Variants in EIF4G2 observed in about 807,000 individuals in gnomAD.
The protein encoded by EIF4G2 is eukaryotic translation initiation factor 4 gamma 2.
A neutral mutation model predicts 117.7 loss-of-function variants in EIF4G2; 8 were observed. The observed-to-expected ratio is 0.07, with a 90% CI of 0.04 to 0.12. The LOEUF is 0.12. Among genes scored for constraint, EIF4G2 ranks in the 10% least tolerant of loss-of-function variants. The probability of loss-of-function intolerance (pLI) is 1.00; values close to 1 mark genes in which losing one functional copy is unlikely to be tolerated. For missense variants in EIF4G2, 812 were observed against 1,086.2 expected (o/e 0.75, Z 3.55); for synonymous variants, 413 against 367.8 (o/e 1.12, Z -1.41).
chr11:10,802,759 G>A (rs1025939015), intron 11 of EIF4G2, among the ~76,000 whole-genome samples: 2 of 152,108 alleles, frequency 1.3e-5, no homozygotes, highest in African/African-American at 2.4e-5. Flanking sequence ...CCCAGCTACT[G>A]GGGAGGCTGA....
chr11:10,801,695 C>T lies in EIF4G2; in HGVS notation c.1379G>A (p.Arg460Gln), dbSNP rs1191980781. 1.2e-6 allele frequency: 2 copies of T among 1,613,946 alleles called. No homozygotes were observed. The highest frequency in any genetic ancestry group is 1.7e-6 in the Non-Finnish European group (2 of 1,180,020). ...ATTAAGCTGTCCTTTCTTAGAAAACCGAGGTGGCATATCCTTCGACTGTCC... is the reference window on the plus strand; with the variant it reads ...ATTAAGCTGTCCTTTCTTAGAAAACTGAGGTGGCATATCCTTCGACTGTCC... Residue 460 changes from arginine (R) to glutamine (Q), a missense_variant, in exon 14 of 22, where the codon CGG (arginine) becomes CAG (glutamine). By Grantham distance (43) the Arg-to-Gln change is conservative. Coordinates refer to ENST00000339995, the MANE Select transcript of EIF4G2 (RefSeq NM_001418.4).
chr11:10,798,908 A>G, intron 21 of EIF4G2, 84 bp downstream of exon 21: 12 of 1,505,536 alleles, frequency 8.0e-6, no homozygotes, highest in Non-Finnish European at 1.1e-5. Context: ...CCTTGCCTGT[A>G]TTTCAGTTGA....
rs781477360 is a variant in EIF4G2 at position 10,803,320 on chromosome 11, G to C, written c.814-26C>G. On this transcript the variant is annotated intron_variant, in intron 9 of 21. Coordinates refer to ENST00000339995, the MANE Select transcript of EIF4G2 (RefSeq NM_001418.4). This position sits in a 1 kb window ranked among gnomAD's most constrained non-coding sequence, Gnocchi z 4.0. The stretch of plus-strand genomic sequence containing the variant: ...CTGATAAGAGAAGAATACATTCATT[G>C]GAAGAGCTAAAGCAAATGTGTTCAA... 3 of 1,607,690 alleles carry C rather than the reference G, an allele frequency of 1.9e-6. No individual in the cohort carries two copies. Among genetic ancestry groups the C allele is most frequent in the Non-Finnish European group, 2.5e-6 (3 of 1,176,762 alleles).
At position 10,797,973 on chromosome 11, in the gene EIF4G2, A is replaced by C. The variant is rs77360437; in HGVS notation, c.2659-92T>G. 1 of 1,159,314 alleles carries C rather than the reference A, an allele frequency of 8.6e-7. No homozygotes were observed. The highest frequency in any genetic ancestry group is 1.3e-6 in the Non-Finnish European group (1 of 787,026). The allele number at this position is 1,159,314 out of a possible 1,614,324, so 71.8% of individuals were successfully genotyped here. ...AGGTGGTACTACACAGTTTTAGAAT[A>C]TGAAACAAGGATATCCCTACCAACA... On this transcript the variant is annotated intron_variant, in intron 21 of 21. Coordinates refer to ENST00000339995, the MANE Select transcript of EIF4G2 (RefSeq NM_001418.4). The surrounding 1 kb of genome is among the most constrained non-coding windows in gnomAD (Gnocchi z 4.5).
In EIF4G2 at chr11:10,799,164, T is replaced by C. The variant is rs199565424; in HGVS notation, c.2536+49A>G. On this transcript the variant is annotated intron_variant, in intron 20 of 21. Coordinates refer to ENST00000339995, the MANE Select transcript of EIF4G2 (RefSeq NM_001418.4). ...AAGTAATAAGCCCATTATTTAGTGT[T>C]CTGTTTAAGAACTTCCTCACGCCGT... The C allele has an allele frequency of 7.6e-5, 123 of 1,608,218 alleles. No individual in the cohort carries two copies. The African/African-American group carries it at 1.5e-3, about 19-fold the overall frequency.
chr11:10,803,075 G>A lies in EIF4G2; in HGVS notation c.951C>T (p.Asp317=). The change falls in exon 11 of 22, where the codon GAC becomes GAT. Residue 317 remains aspartate, a synonymous_variant. Transcript: ENST00000339995. The surrounding 1 kb of genome is among the most constrained non-coding windows in gnomAD (Gnocchi z 4.0). ...TTTGATTGATCGTCTTTGGTCCATT[G>A]TCAAGAAAAGCCTTGCGAGGAACCC... 6.2e-7 allele frequency: 1 copy of A among 1,611,178 alleles called. No individual in the cohort carries two copies. Among genetic ancestry groups the A allele is most frequent in the Non-Finnish European group, 8.5e-7 (1 of 1,178,666 alleles).
chr11:10,805,804 A>T (rs1847550563), intron 4 of EIF4G2, 103 bp downstream of exon 4: 1 of 1,523,828 alleles, frequency 6.6e-7, no homozygotes, highest in Admixed American at 1.7e-5. Context: ...TAAAACATAC[A>T]TACTCTGGGC....
rs753027729 is a variant in EIF4G2 at position 10,803,263 on chromosome 11, C to A, written c.845G>T (p.Cys282Phe). The stretch of plus-strand genomic sequence containing the variant: ...CAATTCCTTACTTAACATCAAGGAG[C>A]ACATTCGGGCAAAGTACTGATCCAT... The change falls in exon 10 of 22, where the codon TGC becomes TTC. Residue 282 changes from cysteine to phenylalanine, a missense_variant. Cys to Phe is a radical substitution (Grantham distance 205, BLOSUM62 -2). This residue lies in a region of EIF4G2 where 154 missense variants were observed against 322.1 expected (regional missense o/e 0.48). Coordinates refer to ENST00000339995, the MANE Select transcript of EIF4G2 (RefSeq NM_001418.4). The surrounding 1 kb of genome is among the most constrained non-coding windows in gnomAD (Gnocchi z 4.0). 1.9e-6 allele frequency: 3 copies of A among 1,613,944 alleles called. No homozygotes were observed. The African/African-American group carries it at 4.0e-5, about 22-fold the overall frequency.
At chr11:10,801,903 G>C in intron 13 of EIF4G2, 129 bp from the exon 14 acceptor site, 2 of 1,109,860 alleles carry the variant, frequency 1.8e-6, no homozygotes, top group Non-Finnish European at 2.6e-6. Context: ...AGTAAAAGAT[G>C]AAACAGGGAA....
At chr11:10,798,017 C>T (rs1018756415) in intron 21 of EIF4G2, 136 bp from the exon 22 acceptor site, 7 of 739,302 alleles carry the variant, frequency 9.5e-6, no homozygotes, top group South Asian at 3.4e-5. Flanking sequence ...ATTAAGTTAA[C>T]GAACAGTGGT....
At chr11:10,804,841 T>C (rs1049281167) in intron 5 of EIF4G2, 72 bp downstream of exon 5, 8 of 1,324,320 alleles carry the variant, frequency 6.0e-6, no homozygotes, top group Non-Finnish European at 8.7e-6. Flanking sequence ...AATCCAAGTG[T>C]AAAAAAACAC....
In EIF4G2 at chr11:10,803,178, G is replaced by A. The variant is rs771437042; in HGVS notation, c.897+33C>T. 19 of 1,608,220 alleles carry A rather than the reference G, an allele frequency of 1.2e-5. No individual in the cohort carries two copies. The highest frequency in any genetic ancestry group is 1.5e-5 in the Non-Finnish European group (18 of 1,178,244). On this transcript the variant is annotated intron_variant, in intron 10 of 21. Coordinates refer to ENST00000339995, the MANE Select transcript of EIF4G2 (RefSeq NM_001418.4). This position sits in a 1 kb window ranked among gnomAD's most constrained non-coding sequence, Gnocchi z 4.0. ...TTAATATTCCTAAACCAAAAACTCA[G>A]CTTACCAACAAATTTAAAGAAACCA...
At position 10,805,702 on chromosome 11, in the gene EIF4G2, C is replaced by T. The variant is rs368851972; in HGVS notation, c.248+205G>A. On this transcript the variant is annotated intron_variant, in intron 4 of 21. Coordinates refer to ENST00000339995, the MANE Select transcript of EIF4G2 (RefSeq NM_001418.4). ...TCCTGACCTCAAGTGATCTGCCCAC[C>T]TCGGCCTCCCAAAGTGCTGGGATTA... Among the ~76,000 whole-genome samples, 88 of 152,186 alleles carry T rather than the reference C, an allele frequency of 5.8e-4. No homozygotes were observed. The South Asian group carries it at 0.011, about 18-fold the overall frequency.
Position 10,799,338 on chromosome 11 carries a change from T to C in EIF4G2, c.2411A>G (p.Gln804Arg), listed in dbSNP as rs758843928. The change falls in exon 20 of 22, where the codon CAG becomes CGG. Residue 804 changes from glutamine (Q) to arginine (R), a missense_variant. This residue lies in a region of EIF4G2 where 571 missense variants were observed against 642.3 expected (regional missense o/e 0.89). Transcript: ENST00000339995. ...GAAAGATAGTAGTAGTTGTTTTTCC[T>C]GCTCTAACTGTTCTTTGGAAGGAGC... The C allele has an allele frequency of 6.2e-7, 1 of 1,613,892 alleles. No homozygotes were observed. Among genetic ancestry groups the C allele is most frequent in the South Asian group, 1.1e-5 (1 of 91,086 alleles).
chr11:10,806,129 T>C, intron 3 of EIF4G2, 82 bp from the exon 4 acceptor site: 1 of 1,580,566 alleles, frequency 6.3e-7, no homozygotes. Flanking sequence ...TAGAAAAAAG[T>C]AATTTAGGCT....
chr11:10,807,935 T>A (rs1361404432), intron 1 of EIF4G2: 2 of 1,012,564 alleles, frequency 2.0e-6, no homozygotes, highest in Non-Finnish European at 2.4e-6. Flanking sequence ...CCGCCCCGTT[T>A]TTCCCTTCCT....
chr11:10,803,671 A>G lies in EIF4G2; in HGVS notation c.703-81T>C. On this transcript the variant is annotated intron_variant, in intron 8 of 21. Coordinates refer to ENST00000339995, the MANE Select transcript of EIF4G2 (RefSeq NM_001418.4). The surrounding 1 kb of genome is among the most constrained non-coding windows in gnomAD (Gnocchi z 4.0). ...GTACTTTCTTTCCCTTTATGTTTGC[A>G]CTGACTCATTCACAGTTCCTACAGA... The G allele has an allele frequency of 7.7e-7, 1 of 1,304,864 alleles. No individual in the cohort carries two copies. The highest frequency in any genetic ancestry group is 1.2e-5 in the South Asian group (1 of 82,344). The allele number at this position is 1,304,864 out of a possible 1,614,324, so 80.8% of individuals were successfully genotyped here.
chr11:10,803,763 G>C lies in EIF4G2; in HGVS notation c.702+136C>G. 1 of 1,236,112 alleles carries C rather than the reference G, an allele frequency of 8.1e-7. No homozygotes were observed. The highest frequency in any genetic ancestry group is 2.2e-5 in the Admixed American group (1 of 46,496). The allele number at this position is 1,236,112 out of a possible 1,614,324, so 76.6% of individuals were successfully genotyped here. On this transcript the variant is annotated intron_variant, in intron 8 of 21. Transcript: ENST00000339995. This position sits in a 1 kb window ranked among gnomAD's most constrained non-coding sequence, Gnocchi z 4.0. ...AACTCTACTTTGTCAAACACACCACGTATTTCAAATTATTCTGTTTAGTAA... is the reference window on the plus strand; with the variant it reads ...AACTCTACTTTGTCAAACACACCACCTATTTCAAATTATTCTGTTTAGTAA...
rs372371708 is a variant in EIF4G2, at chr11:10,802,160, G to T, written c.1188C>A (p.Pro396=). 1 of 1,614,190 alleles carries T rather than the reference G, an allele frequency of 6.2e-7. No homozygotes were observed. Among genetic ancestry groups the T allele is most frequent in the East Asian group, 2.2e-5 (1 of 44,888 alleles). Residue 396 remains proline (P), a synonymous_variant, in exon 13 of 22, where the codon CCC becomes CCA. Coordinates refer to ENST00000339995, the MANE Select transcript of EIF4G2 (RefSeq NM_001418.4). ...GATTTGAACGATGACGTCCCATGGT[G>T]GGTGAAAATCTATCCTGGATAACTC...
Sources: gnomAD v4.1 joint callset for allele counts (sites outside exome capture counted in the v4.1 genomes callset) on GRCh38, gnomAD v4.1.1 for gene constraint, gnomAD v4.1.1 regional missense constraint, Gnocchi (gnomAD v3.1) non-coding constraint, MANE v1.5 for transcripts, NCBI Gene and HGNC (gene_info 2026-07-23, HGNC 2026-07-21) for gene names.